Variants in KIF21A observed in about 807,000 individuals in gnomAD.
KIF21A encodes the protein kinesin family member 21A.
KIF21A carries 114 observed loss-of-function variants against 202.9 expected under a neutral mutation model. The ratio of observed to expected loss-of-function variants is 0.56; its 90% CI spans 0.48 to 0.66. The LOEUF is 0.66. Among genes scored for constraint, KIF21A ranks in the 30% least tolerant of loss-of-function variants. The pLI is 0.00. For missense variants in KIF21A, 1,677 were observed against 1,994.9 expected, an observed-to-expected ratio of 0.84 and a Z score of 3.04; for synonymous variants, 667 against 670.8, an observed-to-expected ratio of 0.99 and a Z score of 0.09.
intron 5 of KIF21A, 81 bp from the exon 6 acceptor site, chr12:39,366,598 T>C: frequency 6.9e-6 from 7 of 1,009,344 alleles, no homozygotes; most frequent in Non-Finnish European, 1.1e-5. Context: ...GCTTATCCCA[T>C]GTACACATAT....
intron 1 of KIF21A, among the ~76,000 whole-genome samples, chr12:39,411,253 A>G (rs1280132730): frequency 2.6e-5 from 4 of 152,212 alleles, no homozygotes; most frequent in Non-Finnish European, 5.9e-5. Flanking sequence ...CTGTTTAATG[A>G]TATAATCTAT....
In KIF21A at chr12:39,423,878, A is replaced by G. The variant is rs1954522745; in HGVS notation, c.44+19049T>C. ...GCATGCCTGTAGTCCTGGCTACTCA[A>G]GAGGCTGAGGCAGGAGAATCACTTG... On this transcript the variant is annotated intron_variant, in intron 1 of 37. Coordinates refer to ENST00000361418, the MANE Select transcript of KIF21A (RefSeq NM_001173464.2). Among the ~76,000 whole-genome samples, 3 of 150,206 alleles carry G rather than the reference A, an allele frequency of 2.0e-5. No individual in the cohort carries two copies. In the South Asian group the frequency reaches 6.4e-4, roughly 32 times the overall value.
intron 1 of KIF21A, among the ~76,000 whole-genome samples, chr12:39,438,965 T>C (rs1566412394): frequency 6.6e-6 from 1 of 152,202 alleles, no homozygotes; most frequent in Non-Finnish European, 1.5e-5. Flanking sequence ...TACTTTATTG[T>C]TCATTTTTGT....
intron 10 of KIF21A, among the ~76,000 whole-genome samples, chr12:39,352,220 C>T (rs1386741793): frequency 6.6e-6 from 1 of 152,026 alleles, no homozygotes; most frequent in African/African-American, 2.4e-5. Flanking sequence ...GCTCTGGCAT[C>T]CATCATTCTA....
chr12:39,402,547 A>G (rs1038415402), intron 1 of KIF21A, among the ~76,000 whole-genome samples: 11 of 152,232 alleles, frequency 7.2e-5, no homozygotes, highest in East Asian at 1.9e-4. Flanking sequence ...ATACATACCT[A>G]TACAAATAAA....
At chr12:39,301,012 T>C (rs576827489) in intron 37 of KIF21A, among the ~76,000 whole-genome samples, 31 of 152,306 alleles carry the variant, frequency 2.0e-4, no homozygotes, top group African/African-American at 6.3e-4. Flanking sequence ...AGAAGATTCA[T>C]TGTGAATGAA....
At chr12:39,363,373 T>A (rs1949377392) in intron 6 of KIF21A, among the ~76,000 whole-genome samples, 160 bp from the exon 7 acceptor site, 1 of 152,022 alleles carries the variant, frequency 6.6e-6, no homozygotes, top group Non-Finnish European at 1.5e-5. Context: ...TCACTGAAAA[T>A]TTAGTACATA....
At chr12:39,336,517 A>G (rs1478343359) in intron 17 of KIF21A, among the ~76,000 whole-genome samples, 1 of 152,100 alleles carries the variant, frequency 6.6e-6, no homozygotes, top group African/African-American at 2.4e-5. Context: ...CATTCCTCCT[A>G]CTGTCAGGGA....
intron 1 of KIF21A, among the ~76,000 whole-genome samples, chr12:39,435,908 G>T (rs1042131313): frequency 2.0e-5 from 3 of 152,098 alleles, no homozygotes; most frequent in African/African-American, 7.2e-5. Flanking sequence ...TGTGCTACTT[G>T]CAAATGTTAA....
chr12:39,368,428 C>A (rs1019975484), intron 3 of KIF21A, among the ~76,000 whole-genome samples: 2 of 151,990 alleles, frequency 1.3e-5, no homozygotes, highest in African/African-American at 4.8e-5. Flanking sequence ...TTCCTGTTGC[C>A]CTGAAACCTT....
chr12:39,410,625 A>G (rs1169430082), intron 1 of KIF21A, among the ~76,000 whole-genome samples: 1 of 152,186 alleles, frequency 6.6e-6, no homozygotes, highest in Non-Finnish European at 1.5e-5. Flanking sequence ...ACTGTAGAAC[A>G]CACATTCTTT....
chr12:39,368,634 C>T (rs1217070359), intron 3 of KIF21A, among the ~76,000 whole-genome samples: 2 of 151,964 alleles, frequency 1.3e-5, no homozygotes, highest in Non-Finnish European at 2.9e-5. Flanking sequence ...GATGGAATAA[C>T]ACTGTTTCTT....
intron 17 of KIF21A, among the ~76,000 whole-genome samples, chr12:39,335,410 C>CAAAAAAAAAAAAAAAAAAAAAAATAAA (rs1946880063): frequency 1.6e-5 from 1 of 61,964 alleles, no homozygotes. Context: ...GACTCTGTCT[C>CAAAAAAAAAAAAAAAAAAAAAAATAAA]AAAAAAAAAA....
At chr12:39,336,268 A>G (rs1475852222) in intron 17 of KIF21A, among the ~76,000 whole-genome samples, 1 of 152,182 alleles carries the variant, frequency 6.6e-6, no homozygotes, top group Non-Finnish European at 1.5e-5. Flanking sequence ...TTTTTCACCT[A>G]AAAGAAATAA....
chr12:39,346,019 A>T (rs930399827), intron 12 of KIF21A, among the ~76,000 whole-genome samples: 2 of 152,024 alleles, frequency 1.3e-5, no homozygotes, highest in Admixed American at 1.3e-4. Context: ...AGATTATACC[A>T]AATAAAGAAG....
intron 1 of KIF21A, among the ~76,000 whole-genome samples, chr12:39,431,506 T>G (rs1937900092): frequency 6.6e-6 from 1 of 152,110 alleles, no homozygotes; most frequent in South Asian, 2.1e-4. Flanking sequence ...GCCAAAAAAT[T>G]TCACACTAAT....
At chr12:39,436,448 A>AC (rs1938751646) in intron 1 of KIF21A, among the ~76,000 whole-genome samples, 1 of 95,766 alleles carries the variant, frequency 1.0e-5, no homozygotes, top group African/African-American at 5.1e-5. Context: ...ATATATATAT[A>AC]TTTTTTTTTT....
In KIF21A at chr12:39,351,898, T is replaced by C; in HGVS notation, c.1552A>G (p.Ser518Gly). ...GTAGGAGAAAAAGTTGATGATCCGC[T>C]GAAATATGGCGCTCTTGCTGTGGCT... ...TRATARAPYF[S>G]GSSTFSPTIL... The change falls in exon 11 of 38, where the codon AGC becomes GGC. Residue 518 changes from serine to glycine, a missense_variant. Transcript: ENST00000361418. 1 of 1,613,394 alleles carries C rather than the reference T, an allele frequency of 6.2e-7. No homozygotes were observed.
At chr12:39,312,975 A>G (rs1356697002) in intron 31 of KIF21A, 2 of 152,096 alleles carry the variant, frequency 1.3e-5, no homozygotes, top group East Asian at 1.9e-4. Context: ...TAGGACAAAT[A>G]TAAGGATAAA....
Sources: allele counts gnomAD v4.1 joint callset (sites outside exome capture counted in the v4.1 genomes callset), GRCh38; gene constraint gnomAD v4.1.1; transcripts MANE v1.5; gene names NCBI Gene and HGNC (gene_info 2026-07-23, HGNC 2026-07-21).